ARL15: variants seen among roughly 807,000 people sequenced by gnomAD.
The protein encoded by ARL15 is ARF like GTPase 15.
A neutral mutation model predicts 25.2 loss-of-function variants in ARL15; 19 were observed. The observed-to-expected ratio is 0.75, with a 90% CI of 0.53 to 1.10. The LOEUF (loss-of-function observed/expected upper bound fraction) is 1.10. ARL15 is among the 50% of genes least tolerant of loss of function. The pLI, the probability that ARL15 is intolerant of heterozygous loss-of-function variation, is 0.00. For synonymous variants in ARL15, 94 were observed against 86.8 expected (o/e 1.08, Z -0.46); for missense variants, 220 against 246.0 (o/e 0.89, Z 0.71).
intron 1 of ARL15, among the ~76,000 whole-genome samples, chr5:54,173,869 C>A (rs1003980878): frequency 6.6e-6 from 1 of 152,100 alleles, no homozygotes; most frequent in African/African-American, 2.4e-5. Context: ...CCTACATCCT[C>A]CAGCCATGCC....
chr5:53,910,034 AT>A (rs1237171361), intron 4 of ARL15, among the ~76,000 whole-genome samples: 1 of 152,242 alleles, frequency 6.6e-6, no homozygotes, highest in African/African-American at 2.4e-5. Context: ...ATAATAATTT[AT>A]AAGAGTTTGT....
At chr5:53,958,339 C>T (rs551200929) in intron 4 of ARL15, among the ~76,000 whole-genome samples, 6 of 152,110 alleles carry the variant, frequency 3.9e-5, no homozygotes, top group African/African-American at 9.6e-5. Flanking sequence ...TATGCTGTTA[C>T]GTTGGTATCA....
chr5:54,252,682 G>C (rs1419952470), intron 1 of ARL15, among the ~76,000 whole-genome samples: 2 of 152,108 alleles, frequency 1.3e-5, no homozygotes, highest in Non-Finnish European at 2.9e-5. Flanking sequence ...CTTCCAAGTT[G>C]CCTTAGGGGG....
intron 3 of ARL15, among the ~76,000 whole-genome samples, chr5:54,152,552 CAG>C (rs1353302131): frequency 6.6e-6 from 1 of 152,180 alleles, no homozygotes; most frequent in African/African-American, 2.4e-5. Context: ...CAACTGGAAA[CAG>C]AGCTATTAAA....
rs139237844 is a variant in ARL15 at position 53,935,185 on chromosome 5, A to G, written c.463-48472T>C. ...AAAATCTATCAAATAATACAAGCCAATTGGGTGCTACTTGTTTCATGGAAA... is the reference window on the plus strand; with the variant it reads ...AAAATCTATCAAATAATACAAGCCAGTTGGGTGCTACTTGTTTCATGGAAA... On this transcript the variant is annotated intron_variant, in intron 4 of 4. Coordinates refer to ENST00000504924, the MANE Select transcript of ARL15 (RefSeq NM_019087.3). 1.1e-3 allele frequency among the ~76,000 whole-genome samples: 161 copies of G among 152,336 alleles called. 2 individuals carry two copies. Among genetic ancestry groups the G allele is most frequent in the African/African-American group, 3.4e-3 (143 of 41,568 alleles).
intron 4 of ARL15, among the ~76,000 whole-genome samples, chr5:54,013,709 C>T (rs570387286): frequency 6.6e-6 from 1 of 152,288 alleles, no homozygotes; most frequent in South Asian, 2.1e-4. Context: ...AACTGACTGA[C>T]TCCATCTAGA....
chr5:54,135,440 T>A (rs1213038908), intron 3 of ARL15, among the ~76,000 whole-genome samples: 1 of 152,162 alleles, frequency 6.6e-6, no homozygotes, highest in Non-Finnish European at 1.5e-5. Context: ...GGAAAAATAG[T>A]TGAAGAAATG....
chr5:54,161,979 CTTT>C (rs1428963853), intron 2 of ARL15, among the ~76,000 whole-genome samples: 2 of 131,052 alleles, frequency 1.5e-5, no homozygotes, highest in African/African-American at 3.0e-5. Flanking sequence ...CTTTGTTCTT[CTTT>C]ACTTACACAC....
At chr5:53,965,044 G>A (rs961634297) in intron 4 of ARL15, among the ~76,000 whole-genome samples, 13 of 152,156 alleles carry the variant, frequency 8.5e-5, no homozygotes, top group African/African-American at 3.1e-4. Flanking sequence ...GAAAATCTTT[G>A]CCAGGAAGTC....
intron 4 of ARL15, among the ~76,000 whole-genome samples, chr5:54,085,658 T>C (rs1384095204): frequency 6.6e-6 from 1 of 152,194 alleles, no homozygotes; most frequent in Non-Finnish European, 1.5e-5. Flanking sequence ...GCTATCAATA[T>C]ATAAATTATT....
At chr5:53,995,303 C>CAAAAAAA (rs34234639) in intron 4 of ARL15, among the ~76,000 whole-genome samples, 7 of 44,662 alleles carry the variant, frequency 1.6e-4, no homozygotes, top group South Asian at 9.7e-4. Context: ...GACTCCGTCA[C>CAAAAAAA]AAAAAAAAAA....
chr5:54,279,115 A>T (rs3776649), intron 1 of ARL15, among the ~76,000 whole-genome samples: 86,927 of 152,062 alleles, frequency 0.57, 26,582 homozygotes, highest in Non-Finnish European at 0.69. Context: ...TCTCATCCCA[A>T]AAGCTAACCC....
chr5:54,074,922 T>C (rs1253283404), intron 4 of ARL15, among the ~76,000 whole-genome samples: 1 of 151,808 alleles, frequency 6.6e-6, no homozygotes, highest in Non-Finnish European at 1.5e-5. Context: ...CTTCACACAC[T>C]ATTAATGTTC....
At chr5:54,152,376 G>A (rs189284675) in intron 3 of ARL15, among the ~76,000 whole-genome samples, 2 of 152,212 alleles carry the variant, frequency 1.3e-5, no homozygotes, top group East Asian at 3.9e-4. Context: ...TGTGTTCCTG[G>A]TTGAGACATA....
rs886770295 is a variant in ARL15 at position 54,055,554 on chromosome 5, T to C, written c.462+57648A>G. ...TTTTGTATTTTTAGTAGAGACGAGG[T>C]TTCACCATGTTGGCTAGGCTGGTCT... On this transcript the variant is annotated intron_variant, in intron 4 of 4. Coordinates refer to ENST00000504924, the MANE Select transcript of ARL15 (RefSeq NM_019087.3). 3.9e-5 allele frequency among the ~76,000 whole-genome samples: 6 copies of C among 151,954 alleles called. No homozygotes were observed. The South Asian group carries it at 1.0e-3, about 26-fold the overall frequency.
rs576067228 is a variant in ARL15 at position 54,137,978 on chromosome 5, C to G, written c.253+16602G>C. Among the ~76,000 whole-genome samples the G allele has an allele frequency of 2.0e-5, 3 of 151,974 alleles. No homozygotes were observed. In the South Asian group the frequency reaches 6.2e-4, roughly 32 times the overall value. On this transcript the variant is annotated intron_variant, in intron 3 of 4. Transcript: ENST00000504924. ...AGAGAATTTTAGAGTCAAAGTATGCCTTAGAAATGGTCTGGAAAATACGCA... is the reference window on the plus strand; with the variant it reads ...AGAGAATTTTAGAGTCAAAGTATGCGTTAGAAATGGTCTGGAAAATACGCA...
In ARL15 at chr5:54,093,672, T is replaced by C. The variant is rs1246066562; in HGVS notation, c.462+19530A>G. Among the ~76,000 whole-genome samples, 26 of 142,156 alleles carry C rather than the reference T, an allele frequency of 1.8e-4. No individual in the cohort carries two copies. The East Asian group carries it at 4.8e-3, about 26-fold the overall frequency. The allele number at this position is 142,156 out of a possible 152,430, so 93.3% of individuals were successfully genotyped here. On this transcript the variant is annotated intron_variant, in intron 4 of 4. Transcript: ENST00000504924. ...TGGAGGTAATTTAATAATTTAAGTA[T>C]AATATAAACATTTAAAGTTAAAAAA... is the stretch of plus-strand genomic sequence containing the variant.
At chr5:54,160,989 C>A (rs1754385481) in intron 2 of ARL15, among the ~76,000 whole-genome samples, 1 of 152,086 alleles carries the variant, frequency 6.6e-6, no homozygotes, top group African/African-American at 2.4e-5. Flanking sequence ...TCAATCACAT[C>A]AATAAAGTAC....
rs1328351005 is a variant in ARL15 at position 53,990,055 on chromosome 5, G to A, written c.463-103342C>T. On this transcript the variant is annotated intron_variant, in intron 4 of 4. Transcript: ENST00000504924. ...TCAAAACCAGCCTGGGAAATGCAGT[G>A]AAACCCATTGAAAAATTTAAAAATT... 2.6e-5 allele frequency among the ~76,000 whole-genome samples: 4 copies of A among 151,938 alleles called. 1 individual carries two copies. In the South Asian group the frequency reaches 8.3e-4, roughly 32 times the overall value.
Sources: allele counts gnomAD v4.1 joint callset (sites outside exome capture counted in the v4.1 genomes callset), GRCh38; gene constraint gnomAD v4.1.1; transcripts MANE v1.5; gene names NCBI Gene and HGNC (gene_info 2026-07-23, HGNC 2026-07-21).